SV2B: variants seen among roughly 807,000 people sequenced by gnomAD.
SV2B encodes synaptic vesicle glycoprotein 2B.
A neutral mutation model predicts 73.9 loss-of-function variants in SV2B; 41 were observed. The observed-to-expected ratio is 0.56, with a 90% CI of 0.43 to 0.72. The LOEUF (loss-of-function observed/expected upper bound fraction) is 0.72. SV2B is among the 30% of genes least tolerant of loss of function. The pLI, the probability that SV2B is intolerant of heterozygous loss-of-function variation, is 0.00. For missense variants in SV2B, 764 were observed against 857.8 expected, an observed-to-expected ratio of 0.89 and a Z score of 1.37; for synonymous variants, 314 against 314.2, an observed-to-expected ratio of 1.00 and a Z score of 0.01.
rs931886618 is a variant in SV2B at position 91,229,178 on chromosome 15, A to G, written c.451+2464A>G. Among the ~76,000 whole-genome samples, 2 of 152,170 alleles carry G rather than the reference A, an allele frequency of 1.3e-5. No individual in the cohort carries two copies. Among genetic ancestry groups the G allele is most frequent in the Non-Finnish European group, 2.9e-5 (2 of 68,020 alleles). The stretch of plus-strand genomic sequence containing the variant: ...CTTGGAACACCAGACTGCTTCCAAC[A>G]GAAAGGGAACATGGTATGCTGATAA... On this transcript the variant is annotated intron_variant, in intron 2 of 12. Transcript: ENST00000394232. This position sits in a 1 kb window ranked among gnomAD's most constrained non-coding sequence, Gnocchi z 4.3.
intron 1 of SV2B, among the ~76,000 whole-genome samples, chr15:91,187,819 T>A (rs149709930): frequency 1.7e-3 from 255 of 152,310 alleles, no homozygotes; most frequent in African/African-American, 5.9e-3. Flanking sequence ...GTTTTTCAGA[T>A]GCTGACTATA....
chr15:91,194,933 C>T (rs2045189439), intron 1 of SV2B, among the ~76,000 whole-genome samples: 1 of 152,042 alleles, frequency 6.6e-6, no homozygotes, highest in African/African-American at 2.4e-5. Flanking sequence ...TTTGTCACGT[C>T]CTCATTTCCT....
intron 4 of SV2B, among the ~76,000 whole-genome samples, chr15:91,254,167 T>A (rs1461771383): frequency 1.3e-5 from 2 of 152,186 alleles, no homozygotes; most frequent in East Asian, 1.9e-4. Flanking sequence ...CTCACAATTC[T>A]TGATATAATA....
At chr15:91,270,357 C>A (rs1224048405) in intron 9 of SV2B, among the ~76,000 whole-genome samples, 3 of 152,254 alleles carry the variant, frequency 2.0e-5, no homozygotes, top group Middle Eastern at 6.8e-3. Context: ...TCACAAAACT[C>A]CAGGGAACAA....
At chr15:91,148,507 A>C (rs2043214447) in intron 1 of SV2B, among the ~76,000 whole-genome samples, 1 of 152,296 alleles carries the variant, frequency 6.6e-6, no homozygotes, top group Non-Finnish European at 1.5e-5. Flanking sequence ...ATCCTGAAAC[A>C]GGGCTTCAAA....
intron 1 of SV2B, among the ~76,000 whole-genome samples, chr15:91,180,764 C>T (rs1368084778): frequency 6.6e-6 from 1 of 152,210 alleles, no homozygotes; most frequent in Non-Finnish European, 1.5e-5. Context: ...AAGCACTTCT[C>T]TGTATTGGTG....
intron 1 of SV2B, among the ~76,000 whole-genome samples, chr15:91,208,153 G>C (rs1397208650): frequency 6.6e-6 from 1 of 152,190 alleles, no homozygotes; most frequent in Non-Finnish European, 1.5e-5. Context: ...TGTGATCTCA[G>C]TGGAAACAGC....
intron 1 of SV2B, among the ~76,000 whole-genome samples, chr15:91,215,344 G>A (rs941949836): frequency 6.6e-6 from 1 of 152,160 alleles, no homozygotes; most frequent in African/African-American, 2.4e-5. Context: ...AGATAAAGTG[G>A]ATTTCCCTCC....
chr15:91,203,844 C>A (rs75406982), intron 1 of SV2B, among the ~76,000 whole-genome samples: 1 of 152,124 alleles, frequency 6.6e-6, no homozygotes. Context: ...CTCTCCTCCC[C>A]TCTCCCCCTC....
intron 1 of SV2B, among the ~76,000 whole-genome samples, chr15:91,138,440 CAG>C (rs2042906480): frequency 6.6e-6 from 1 of 152,144 alleles, no homozygotes; most frequent in South Asian, 2.1e-4. Flanking sequence ...ATGGGAGACA[CAG>C]GGGACAGAAT....
chr15:91,206,283 C>T (rs1166854469), intron 1 of SV2B, among the ~76,000 whole-genome samples: 3 of 148,090 alleles, frequency 2.0e-5, no homozygotes, highest in African/African-American at 5.0e-5. Context: ...CTCAAGTGAT[C>T]CACCTGCCTT....
intron 1 of SV2B, among the ~76,000 whole-genome samples, chr15:91,185,155 T>G (rs920653286): frequency 6.6e-5 from 10 of 152,230 alleles, no homozygotes; most frequent in African/African-American, 2.4e-4. Context: ...CACTGCAGCC[T>G]TGACCTCCCT....
chr15:91,195,770 G>C (rs926864913), intron 1 of SV2B, among the ~76,000 whole-genome samples: 1 of 152,148 alleles, frequency 6.6e-6, no homozygotes, highest in African/African-American at 2.4e-5. Flanking sequence ...TTATAGGTTG[G>C]TGAGCCAGTT....
chr15:91,178,879 T>C (rs1251876902), intron 1 of SV2B, among the ~76,000 whole-genome samples: 1 of 147,794 alleles, frequency 6.8e-6, no homozygotes, highest in East Asian at 2.0e-4. Flanking sequence ...GGGTTTTTTG[T>C]GTCTCTATTT....
intron 1 of SV2B, among the ~76,000 whole-genome samples, chr15:91,133,778 G>A (rs2042729070): frequency 6.6e-6 from 1 of 151,942 alleles, no homozygotes; most frequent in Non-Finnish European, 1.5e-5. Context: ...GATTTCTCTT[G>A]TTCTCCCTTG....
At chr15:91,200,200 A>G (rs778138539) in intron 1 of SV2B, among the ~76,000 whole-genome samples, 1 of 152,128 alleles carries the variant, frequency 6.6e-6, no homozygotes, top group Non-Finnish European at 1.5e-5. Flanking sequence ...TTTAATTTTG[A>G]GTTTGGTCTT....
Position 91,281,901 on chromosome 15 carries a change from G to A in SV2B, c.1507+40G>A. Reference sequence around the variant, plus strand: ...TGACAGATTGAATAGAAAGTAACAGGAGACAACTTGTGTTGTCCAAGAATC... The same window carrying A: ...TGACAGATTGAATAGAAAGTAACAGAAGACAACTTGTGTTGTCCAAGAATC... On this transcript the variant is annotated intron_variant, in intron 10 of 12. Transcript: ENST00000394232. The surrounding 1 kb of genome is among the most constrained non-coding windows in gnomAD (Gnocchi z 4.7). The A allele has an allele frequency of 2.6e-6, 4 of 1,562,648 alleles. No homozygotes were observed. The highest frequency in any genetic ancestry group is 3.5e-6 in the Non-Finnish European group (4 of 1,148,178).
intron 1 of SV2B, among the ~76,000 whole-genome samples, chr15:91,157,978 T>C (rs921125273): frequency 6.6e-6 from 1 of 152,194 alleles, no homozygotes; most frequent in South Asian, 2.1e-4. Flanking sequence ...GCACTGGTTT[T>C]GGATTCAGGG....
chr15:91,301,466 T>C lies in SV2B; in HGVS notation c.*8914T>C, dbSNP rs866385815. ...TAGTAGTAACAGTTGATCTGGTGAT[T>C]GGTGAATACAGTTTAATCTTTAATA... On this transcript the variant is annotated 3_prime_UTR_variant, in exon 13 of 13. Coordinates refer to ENST00000394232, the MANE Select transcript of SV2B (RefSeq NM_001323032.3). The surrounding 1 kb of genome is among the most constrained non-coding windows in gnomAD (Gnocchi z 4.3). Among the ~76,000 whole-genome samples, 1 of 152,226 alleles carries C rather than the reference T, an allele frequency of 6.6e-6. No individual in the cohort carries two copies.
Sources: allele counts gnomAD v4.1 joint callset (sites outside exome capture counted in the v4.1 genomes callset), GRCh38; gene constraint gnomAD v4.1.1; non-coding constraint Gnocchi (gnomAD v3.1); transcripts MANE v1.5; gene names NCBI Gene and HGNC (gene_info 2026-07-23, HGNC 2026-07-21).